The following UBE2V2 variants were observed in gnomAD, a reference collection of about 807,000 sequenced individuals.
UBE2V2 encodes the protein ubiquitin conjugating enzyme E2 V2.
UBE2V2 carries 9 observed loss-of-function variants against 17.2 expected under a neutral mutation model. That is an observed-to-expected ratio of 0.52 (90% CI 0.32 to 0.91). The LOEUF is 0.91. UBE2V2 is among the 40% of genes least tolerant of loss of function. UBE2V2 has a pLI of 0.04. For missense variants in UBE2V2, 133 were observed against 182.6 expected, an observed-to-expected ratio of 0.73 and a Z score of 1.56; for synonymous variants, 61 against 57.5, an observed-to-expected ratio of 1.06 and a Z score of -0.28.
At chr8:48,007,283 T>G (rs1019326083), upstream of UBE2V2, among the ~76,000 whole-genome samples, 1 of 152,060 alleles carries the variant, frequency 6.6e-6, no homozygotes, top group South Asian at 2.1e-4. Context: ...GAGAAAGAAA[T>G]AAAGGGTATT....
At chr8:48,033,044 G>T (rs2091394567) in intron 1 of UBE2V2, among the ~76,000 whole-genome samples, 1 of 151,980 alleles carries the variant, frequency 6.6e-6, no homozygotes, top group South Asian at 2.1e-4. Flanking sequence ...AAGGAGCAGG[G>T]GCATACCATC....
At chr8:48,027,215 G>C (rs2091351847) in intron 1 of UBE2V2, among the ~76,000 whole-genome samples, 1 of 152,120 alleles carries the variant, frequency 6.6e-6, no homozygotes, top group Admixed American at 6.6e-5. Context: ...TGGCCGGGCT[G>C]GTCTTGATCT....
chr8:48,034,607 T>G (rs985109248), intron 1 of UBE2V2, among the ~76,000 whole-genome samples: 7 of 147,550 alleles, frequency 4.7e-5, no homozygotes, highest in African/African-American at 1.7e-4. Context: ...ATTAATATAA[T>G]TCATGTAGTT....
chr8:48,000,314 C>T, the UBE2V2 span, among the ~76,000 whole-genome samples: 1 of 152,196 alleles, frequency 6.6e-6, no homozygotes, highest in African/African-American at 2.4e-5. Flanking sequence ...TCCAAATTAT[C>T]CTTAGTCTCC....
At chr8:48,031,791 G>A (rs1055210859) in intron 1 of UBE2V2, among the ~76,000 whole-genome samples, 3 of 152,058 alleles carry the variant, frequency 2.0e-5, no homozygotes, top group Non-Finnish European at 2.9e-5. Context: ...GAGTAGAGGT[G>A]TGTGCCACCA....
intron 1 of UBE2V2, among the ~76,000 whole-genome samples, chr8:48,035,580 G>A (rs2091416848): frequency 6.8e-6 from 1 of 146,430 alleles, no homozygotes; most frequent in Non-Finnish European, 1.5e-5. Flanking sequence ...TCACAAAGTA[G>A]CATTTAAGTC....
At chr8:48,015,132 C>G (rs1458027821) in intron 1 of UBE2V2, among the ~76,000 whole-genome samples, 1 of 151,218 alleles carries the variant, frequency 6.6e-6, no homozygotes, top group East Asian at 1.9e-4. Flanking sequence ...AGTCCCAGCA[C>G]TTTGGGAGGT....
intron 1 of UBE2V2, 33 bp downstream of exon 1, chr8:48,008,503 G>A: frequency 3.2e-6 from 5 of 1,562,098 alleles, no homozygotes; most frequent in Admixed American, 1.9e-5. Flanking sequence ...GTGATTTTCC[G>A]CTCCGACCCG....
At chr8:48,035,719 A>G (rs2091419759) in intron 1 of UBE2V2, among the ~76,000 whole-genome samples, 1 of 2,374 alleles carries the variant, frequency 4.2e-4, no homozygotes, top group Admixed American at 0.01. Context: ...GGTTCAAGTG[A>G]TTCTCCTGCC....
At chr8:48,047,617 G>GC (rs369469987) in intron 2 of UBE2V2, among the ~76,000 whole-genome samples, 53 of 151,782 alleles carry the variant, frequency 3.5e-4, no homozygotes, top group African/African-American at 1.3e-3. Context: ...GAGTGCAGTG[G>GC]CGTGATCTCA....
chr8:48,059,910 A>G (rs2154508301), intron 3 of UBE2V2, among the ~76,000 whole-genome samples: 1 of 152,222 alleles, frequency 6.6e-6, no homozygotes, highest in Admixed American at 6.5e-5. Flanking sequence ...GCTCTTTCAC[A>G]GAAGATTAAT....
At chr8:48,060,530 A>G (rs1332720560) in intron 3 of UBE2V2, 152 bp from the exon 4 acceptor site, 1 of 556,216 alleles carries the variant, frequency 1.8e-6, no homozygotes, top group African/African-American at 2.0e-5. Context: ...AAATATACTA[A>G]TTATGGTATT....
chr8:48,009,229 A>T (rs1163621136), intron 1 of UBE2V2, among the ~76,000 whole-genome samples: 1 of 151,776 alleles, frequency 6.6e-6, no homozygotes, highest in Non-Finnish European at 1.5e-5. Flanking sequence ...TACATTTAAA[A>T]ATGTTAACCC....
At chr8:48,050,945 A>G (rs910293911) in intron 3 of UBE2V2, among the ~76,000 whole-genome samples, 1 of 152,256 alleles carries the variant, frequency 6.6e-6, no homozygotes, top group African/African-American at 2.4e-5. Flanking sequence ...CTGTGGCCTC[A>G]AGTGATTCTC....
chr8:48,059,331 G>A (rs1369784424), intron 3 of UBE2V2, among the ~76,000 whole-genome samples: 1 of 151,868 alleles, frequency 6.6e-6, no homozygotes, highest in Non-Finnish European at 1.5e-5. Context: ...CTACACATGT[G>A]TGTGGTCTTC....
chr8:48,015,530 T>C (rs1376216680), intron 1 of UBE2V2, among the ~76,000 whole-genome samples: 1 of 152,214 alleles, frequency 6.6e-6, no homozygotes, highest in African/African-American at 2.4e-5. Context: ...TGAGTATTTT[T>C]CAAGAATACA....
At chr8:48,008,507 C>G (rs2091202182) in intron 1 of UBE2V2, 37 bp downstream of exon 1, 2 of 1,558,022 alleles carry the variant, frequency 1.3e-6, no homozygotes, top group African/African-American at 2.8e-5. Flanking sequence ...TTTTCCGCTC[C>G]GACCCGGCTC....
upstream of UBE2V2, chr8:48,008,313 C>A (rs1589846186): frequency 8.7e-7 from 1 of 1,150,260 alleles, no homozygotes; most frequent in East Asian, 3.3e-5. Flanking sequence ...CCCCTCGGCC[C>A]ACGTGCGCGC....
In UBE2V2 at chr8:48,033,519, G is replaced by A. The variant is rs576000931; in HGVS notation, c.17-9514G>A. Among the ~76,000 whole-genome samples the A allele has an allele frequency of 1.6e-4, 24 of 152,038 alleles. No homozygotes were observed. In the East Asian group the frequency reaches 3.7e-3, roughly 23 times the overall value. On this transcript the variant is annotated intron_variant, in intron 1 of 3. Coordinates refer to ENST00000523111, the MANE Select transcript of UBE2V2 (RefSeq NM_003350.3). ...GTTTTTTTAAAATAAAATTTATTGT[G>A]TGTATTTAAGGCATATATATCATGT...
Sources: gnomAD v4.1 joint callset for allele counts (sites outside exome capture counted in the v4.1 genomes callset) on GRCh38, gnomAD v4.1.1 for gene constraint, MANE v1.5 for transcripts, NCBI Gene and HGNC (gene_info 2026-07-23, HGNC 2026-07-21) for gene names.